CRTC3: variants seen among roughly 807,000 people sequenced by gnomAD.
CRTC3 encodes the protein CREB-regulated transcription coactivator 3.
Under a neutral mutation model 74.5 loss-of-function variants are expected in CRTC3, and 26 were observed. The ratio of observed to expected loss-of-function variants is 0.35; its 90% CI spans 0.26 to 0.48. CRTC3 has a LOEUF of 0.48. Ranked by LOEUF, CRTC3 falls within the 20% of genes least tolerant of loss-of-function variation. The pLI is 0.99. For synonymous variants in CRTC3, 377 were observed against 325.8 expected (o/e 1.16, Z -1.69); for missense variants, 760 against 787.3 (o/e 0.97, Z 0.41).
At chr15:90,601,602 G>A (rs1352120928) in intron 3 of CRTC3, among the ~76,000 whole-genome samples, 7 of 152,084 alleles carry the variant, frequency 4.6e-5, no homozygotes, top group African/African-American at 1.2e-4. Context: ...GCAGTGAGCC[G>A]AGATTGCGCC....
Position 90,642,513 on chromosome 15 carries a change from GATC to G in CRTC3, c.*374_*376del. 1 of 345,888 alleles carries G rather than the reference GATC, an allele frequency of 2.9e-6. No homozygotes were observed. 21.4% of individuals were successfully genotyped at this position (345,888 alleles called of 1,614,324 possible). ...ATTGTGTAGTGTGCTCAGAACCACT[GATC>G]TCCGTCCGCACCGAAGGCGGGCCCG... On this transcript the variant is annotated 3_prime_UTR_variant, in exon 15 of 15. Coordinates refer to ENST00000268184, the MANE Select transcript of CRTC3 (RefSeq NM_022769.5).
At position 90,641,900 on chromosome 15, in the gene CRTC3, G is replaced by A. The variant is rs374382684; in HGVS notation, c.1652-32G>A. 1.1e-5 allele frequency: 18 copies of A among 1,602,046 alleles called. No homozygotes were observed. The African/African-American group carries it at 1.6e-4, about 14-fold the overall frequency. On this transcript the variant is annotated intron_variant, in intron 14 of 14. Coordinates refer to ENST00000268184, the MANE Select transcript of CRTC3 (RefSeq NM_022769.5). Reference sequence around the variant, plus strand: ...CCTGGAGCCTTCGCGCCTCCTAACCGCACTGTTTTCCCCTCTGGCCACTCC... The same window carrying A: ...CCTGGAGCCTTCGCGCCTCCTAACCACACTGTTTTCCCCTCTGGCCACTCC...
chr15:90,540,067 G>A lies in CRTC3; in HGVS notation c.161G>A (p.Arg54His), dbSNP rs776504911. 1.2e-5 allele frequency: 20 copies of A among 1,613,440 alleles called. No individual in the cohort carries two copies. The East Asian group carries it at 1.3e-4, about 11-fold the overall frequency. Residue 54 changes from arginine (R) to histidine (H), a missense_variant, in exon 2 of 15, where the codon CGC becomes CAC. Physicochemically the swap from Arg to His is conservative, Grantham distance 29. This residue lies in a region of CRTC3 where 108 missense variants were observed against 152.1 expected (regional missense o/e 0.71). Transcript: ENST00000268184. Reference sequence around the variant, plus strand: ...CAATTTCAGAAGCTTCAGCAACTGCGCCTTACACAGTACCATGGAGGATCC... The same window carrying A: ...CAATTTCAGAAGCTTCAGCAACTGCACCTTACACAGTACCATGGAGGATCC... The part of the protein sequence containing the change: ...RVQFQKLQQL[R>H]LTQYHGGSLP...
At chr15:90,629,659 G>A (rs568464333) in intron 11 of CRTC3, 127 bp downstream of exon 11, 75 of 835,762 alleles carry the variant, frequency 9.0e-5, no homozygotes, top group Non-Finnish European at 1.3e-4. Context: ...GGTCTCAAGT[G>A]CAGTCTGTTC....
chr15:90,609,629 G>A (rs1968311479), intron 6 of CRTC3, among the ~76,000 whole-genome samples: 2 of 152,256 alleles, frequency 1.3e-5, no homozygotes, highest in African/African-American at 4.8e-5. Context: ...GATTTTTTGA[G>A]GCTTGCATGC....
chr15:90,579,634 C>CTTTTTTTTTTTTTTT (rs146273285), intron 2 of CRTC3, among the ~76,000 whole-genome samples: 1 of 84,198 alleles, frequency 1.2e-5, no homozygotes, highest in African/African-American at 4.7e-5. Flanking sequence ...ACGTATTTCA[C>CTTTTTTTTTTTTTTT]TTTTTTTTTT....
intron 3 of CRTC3, chr15:90,600,277 C>T (rs564181422): frequency 6.6e-6 from 1 of 152,354 alleles, no homozygotes; most frequent in South Asian, 2.1e-4. Flanking sequence ...TCACTAAGAA[C>T]TCATGAGAGC....
chr15:90,607,227 G>A (rs1968246078), intron 5 of CRTC3, 151 bp from the exon 6 acceptor site: 2 of 537,048 alleles, frequency 3.7e-6, no homozygotes, highest in East Asian at 3.3e-5. Flanking sequence ...TTGATATAAA[G>A]AACTTCAGGT....
chr15:90,622,035 C>G (rs1210916516), intron 9 of CRTC3, among the ~76,000 whole-genome samples: 1 of 152,132 alleles, frequency 6.6e-6, no homozygotes, highest in Non-Finnish European at 1.5e-5. Context: ...CAGGCAGCCA[C>G]CAGCGGGCGT....
At chr15:90,614,703 C>A in intron 7 of CRTC3, 1 of 473,748 alleles carries the variant, frequency 2.1e-6, no homozygotes, top group Non-Finnish European at 3.8e-6. Context: ...TACAAAGGTT[C>A]CTTTTTATCT....
intron 2 of CRTC3, among the ~76,000 whole-genome samples, chr15:90,572,885 A>AT (rs954757327): frequency 2.6e-5 from 4 of 152,162 alleles, no homozygotes; most frequent in Admixed American, 6.5e-5. Context: ...CAATATATCC[A>AT]TTTTTTAAAA....
intron 2 of CRTC3, among the ~76,000 whole-genome samples, chr15:90,543,416 T>C (rs1339497966): frequency 2.6e-5 from 4 of 152,060 alleles, no homozygotes. Context: ...CTGATCTTCA[T>C]TAAACTTTCA....
chr15:90,601,972 G>A (rs1282588815), intron 3 of CRTC3, among the ~76,000 whole-genome samples: 1 of 152,158 alleles, frequency 6.6e-6, no homozygotes, highest in Non-Finnish European at 1.5e-5. Context: ...TCCAGGGGGT[G>A]AGGTACCTAG....
chr15:90,635,775 G>C (rs569512501), intron 11 of CRTC3, among the ~76,000 whole-genome samples: 2 of 152,188 alleles, frequency 1.3e-5, no homozygotes, highest in Non-Finnish European at 2.9e-5. Context: ...GGTTGGGAAA[G>C]AAAGGTGGAG....
intron 2 of CRTC3, among the ~76,000 whole-genome samples, chr15:90,542,850 C>T (rs1424545838): frequency 6.6e-6 from 1 of 152,156 alleles, no homozygotes; most frequent in Non-Finnish European, 1.5e-5. Context: ...GATATAACCC[C>T]TCAATTGGGG....
At chr15:90,630,647 G>GTTC (rs777434056) in intron 11 of CRTC3, among the ~76,000 whole-genome samples, 12 of 152,002 alleles carry the variant, frequency 7.9e-5, no homozygotes, top group Admixed American at 3.9e-4. Context: ...GAAACACAGG[G>GTTC]GTTGAAACAT....
chr15:90,627,517 C>T (rs1411865726), intron 10 of CRTC3, among the ~76,000 whole-genome samples: 1 of 152,140 alleles, frequency 6.6e-6, no homozygotes, highest in African/African-American at 2.4e-5. Context: ...GCCTTTGACA[C>T]TTTGCTTCAA....
At chr15:90,633,941 A>C (rs1053957535) in intron 11 of CRTC3, among the ~76,000 whole-genome samples, 4 of 150,140 alleles carry the variant, frequency 2.7e-5, no homozygotes, top group African/African-American at 9.8e-5. Flanking sequence ...TTCTTTTTTA[A>C]TAGCATCATA....
chr15:90,608,213 C>T (rs933418893), intron 6 of CRTC3, among the ~76,000 whole-genome samples: 13 of 152,208 alleles, frequency 8.5e-5, no homozygotes, highest in African/African-American at 3.1e-4. Flanking sequence ...TGCCATCTCA[C>T]AGCTCTGCTT....
Sources: allele counts gnomAD v4.1 joint callset (sites outside exome capture counted in the v4.1 genomes callset), GRCh38; gene constraint gnomAD v4.1.1; regional missense constraint gnomAD v4.1.1; transcripts MANE v1.5; gene names NCBI Gene and HGNC (gene_info 2026-07-23, HGNC 2026-07-21).